Variants in LTBP2 observed in about 807,000 individuals in gnomAD.
LTBP2 encodes latent transforming growth factor beta binding protein 2, also known as latent-transforming growth factor beta-binding protein 2.
Under a neutral mutation model 210.6 loss-of-function variants are expected in LTBP2, and 103 were observed. The ratio of observed to expected loss-of-function variants is 0.49; its 90% CI spans 0.42 to 0.58. The LOEUF (loss-of-function observed/expected upper bound fraction) is 0.58. Ranked by LOEUF, LTBP2 falls within the 20% of genes least tolerant of loss-of-function variation. LTBP2 has a pLI of 0.00. For missense variants in LTBP2, 2,313 were observed against 2,494.5 expected (o/e 0.93, Z 1.55); for synonymous variants, 1,007 against 1,015.0 (o/e 0.99, Z 0.15).
At chr14:74,567,947 C>T (rs546930153) in intron 3 of LTBP2, among the ~76,000 whole-genome samples, 5 of 152,200 alleles carry the variant, frequency 3.3e-5, no homozygotes, top group Middle Eastern at 3.4e-3. Flanking sequence ...TTCATGAATT[C>T]GTCGTTCAAC....
chr14:74,512,833 C>T (rs1168560778), intron 18 of LTBP2, among the ~76,000 whole-genome samples: 2 of 152,224 alleles, frequency 1.3e-5, no homozygotes, highest in Non-Finnish European at 2.9e-5. Context: ...ATTCTAAGGG[C>T]TTCTGTAAAG....
At position 74,510,165 on chromosome 14, in the gene LTBP2, G is replaced by A. The variant is rs753241258; in HGVS notation, c.3077C>T (p.Thr1026Ile). 1 of 1,614,064 alleles carries A rather than the reference G, an allele frequency of 6.2e-7. No individual in the cohort carries two copies. The highest frequency in any genetic ancestry group is 1.7e-5 in the Admixed American group (1 of 60,028). Residue 1026 changes from threonine (T) to isoleucine (I), a missense_variant, in exon 20 of 36, where the codon ACC (threonine) becomes ATC (isoleucine). Around this residue, in one of 3 missense-constraint regions of LTBP2, gnomAD observed 1,867 missense variants for 1,976.9 expected, o/e 0.94. Transcript: ENST00000261978. ...TPGVCAHGKC[T>I]NLEGSFRCSC... is the part of the protein sequence containing the mutation. ...GCATCTGAAGGAGCCTTCTAGGTTG[G>A]TGCACTTTCCATGGGCACAGACCCC...
chr14:74,590,197 G>C (rs902046114), intron 2 of LTBP2, among the ~76,000 whole-genome samples: 3 of 152,216 alleles, frequency 2.0e-5, no homozygotes, highest in African/African-American at 7.2e-5. Context: ...CTGCTGGTGG[G>C]AATGTAAATT....
rs776898992 is a variant in LTBP2, at chr14:74,516,907, G to A, written c.2823C>T (p.Ser941=). Residue 941 remains serine, a synonymous_variant, in exon 18 of 36, where the codon AGC becomes AGT. Transcript: ENST00000261978. ...CCTCGGTGTTGGTGCACTGCCCCCC[G>A]CTGCACACCCCTGGCTGCTCACACT... ...INECEQPGVC[S]GGQCTNTEGS... is the part of the protein sequence containing the mutation. 65 of 1,551,780 alleles carry A rather than the reference G, an allele frequency of 4.2e-5. 1 individual carries two copies. Among genetic ancestry groups the A allele is most frequent in the South Asian group, 3.0e-4 (25 of 84,066 alleles).
Position 74,552,935 on chromosome 14 carries a change from G to T in LTBP2, c.1149C>A (p.Ser383Arg). ...TGGGATCGTGCCCATGGCCGCCCTGGCTGTACAGGGTGGTGGTGTCGCCCC... is the reference window on the plus strand; with the variant it reads ...TGGGATCGTGCCCATGGCCGCCCTGTCTGTACAGGGTGGTGGTGTCGCCCC... ...CERGDTTTLY[S>R]QGGHGHDPKS... Residue 383 changes from serine to arginine, a missense_variant, in exon 5 of 36, where the codon AGC (serine) becomes AGA (arginine). Ser to Arg is a moderately radical substitution (Grantham distance 110). Around this residue, in one of 3 missense-constraint regions of LTBP2, gnomAD observed 1,867 missense variants for 1,976.9 expected, o/e 0.94. Coordinates refer to ENST00000261978, the MANE Select transcript of LTBP2 (RefSeq NM_000428.3). The T allele has an allele frequency of 1.2e-6, 2 of 1,613,900 alleles. No homozygotes were observed. Among genetic ancestry groups the T allele is most frequent in the Non-Finnish European group, 1.7e-6 (2 of 1,179,914 alleles).
intron 3 of LTBP2, among the ~76,000 whole-genome samples, chr14:74,562,834 C>G (rs1353372847): frequency 6.6e-6 from 1 of 152,104 alleles, no homozygotes; most frequent in African/African-American, 2.4e-5. Flanking sequence ...ATTGACATGA[C>G]CCTTCTGGAA....
chr14:74,509,590 T>C, intron 21 of LTBP2, 144 bp downstream of exon 21: 1 of 1,278,444 alleles, frequency 7.8e-7, no homozygotes, highest in South Asian at 1.3e-5. Context: ...AAGCTCTTGT[T>C]GGGGCCAGGT....
At chr14:74,578,786 C>T (rs2088096893) in intron 3 of LTBP2, among the ~76,000 whole-genome samples, 1 of 152,230 alleles carries the variant, frequency 6.6e-6, no homozygotes, top group Non-Finnish European at 1.5e-5. Flanking sequence ...ACACAATTTA[C>T]AAGCTGCCAC....
chr14:74,545,765 G>A (rs2087568327), intron 8 of LTBP2, among the ~76,000 whole-genome samples: 1 of 152,214 alleles, frequency 6.6e-6, no homozygotes, highest in African/African-American at 2.4e-5. Context: ...ATTGAAGAGG[G>A]CTATGAGCTG....
chr14:74,555,726 C>T, intron 3 of LTBP2, 33 bp from the exon 4 acceptor site: 4 of 1,465,892 alleles, frequency 2.7e-6, no homozygotes, highest in Non-Finnish European at 2.7e-6. Context: ...GGGGTTTGCA[C>T]CCTGGGAACA....
chr14:74,498,200 T>C lies in LTBP2; in HGVS notation c.*2684A>G, dbSNP rs74384554. The C allele has an allele frequency of 9.9e-3, 1,733 of 175,228 alleles. 16 individuals are homozygous for C. The highest frequency in any genetic ancestry group is 0.014 in the Non-Finnish European group (1,128 of 81,156). The allele number at this position is 175,228 out of a possible 1,614,324, so 10.9% of individuals were successfully genotyped here. A position where few individuals can be genotyped will look rare whatever the true frequency, so the allele number is the denominator to read the frequency against. On this transcript the variant is annotated 3_prime_UTR_variant, in exon 36 of 36. Transcript: ENST00000261978. ...CCAGCAACTGTATTTAAAAATATTT[T>C]ATTTTTTTTGAATAGGTGATACATA...
chr14:74,599,585 G>A (rs754854186), intron 2 of LTBP2, among the ~76,000 whole-genome samples: 2 of 152,212 alleles, frequency 1.3e-5, no homozygotes, highest in African/African-American at 4.8e-5. Context: ...CATAAGTCCC[G>A]AGAGAGAGCT....
At chr14:74,608,639 G>T (rs1347908896) in intron 1 of LTBP2, among the ~76,000 whole-genome samples, 1 of 151,494 alleles carries the variant, frequency 6.6e-6, no homozygotes, top group Non-Finnish European at 1.5e-5. Context: ...GAGCCTCGGG[G>T]GTGGAGGTTG....
chr14:74,506,293 G>T, intron 27 of LTBP2, 102 bp from the exon 28 acceptor site: 1 of 1,487,294 alleles, frequency 6.7e-7, no homozygotes, highest in Non-Finnish European at 9.3e-7. Flanking sequence ...GCTAGGCCTT[G>T]GGGAAGAAAC....
At chr14:74,609,799 T>C (rs960827479) in intron 1 of LTBP2, among the ~76,000 whole-genome samples, 1 of 152,244 alleles carries the variant, frequency 6.6e-6, no homozygotes, top group Non-Finnish European at 1.5e-5. Flanking sequence ...TTCAACGTGA[T>C]ATTAAGTAAT....
Position 74,552,186 on chromosome 14 carries a change from C to T in LTBP2, c.1399+1G>A. On this transcript the variant is annotated splice_donor_variant, in intron 6 of 35. Transcript: ENST00000261978. LOFTEE classifies it high-confidence loss of function. ...GCCGGCCCAGCTGTGCCGGCACTCA[C>T]CCAGCTGGTTGGAGAGCGGCAGTGT... The T allele has an allele frequency of 6.2e-7, 1 of 1,600,886 alleles. No individual in the cohort carries two copies.
intron 8 of LTBP2, 39 bp from the exon 9 acceptor site, chr14:74,536,039 C>T (rs1276735021): frequency 6.4e-7 from 1 of 1,564,424 alleles, no homozygotes; most frequent in Non-Finnish European, 8.8e-7. Flanking sequence ...ACTGGACGGC[C>T]CCTGGGCTCC....
At chr14:74,517,753 A>G (rs1016288537) in intron 17 of LTBP2, among the ~76,000 whole-genome samples, 3 of 152,146 alleles carry the variant, frequency 2.0e-5, no homozygotes, top group Non-Finnish European at 4.4e-5. Context: ...GTAACCATGG[A>G]TCTGTAGGGT....
chr14:74,506,664 G>C, intron 27 of LTBP2, 34 bp downstream of exon 27: 1 of 1,610,964 alleles, frequency 6.2e-7, no homozygotes, highest in Non-Finnish European at 8.5e-7. Flanking sequence ...TCCCTTCCCT[G>C]GCCCAGACCT....
Sources: gnomAD v4.1 joint callset for allele counts (sites outside exome capture counted in the v4.1 genomes callset) on GRCh38, gnomAD v4.1.1 for gene constraint, gnomAD v4.1.1 regional missense constraint, MANE v1.5 for transcripts, NCBI Gene and HGNC (gene_info 2026-07-23, HGNC 2026-07-21) for gene names.